GALT: variants seen among roughly 807,000 people sequenced by gnomAD.
The protein encoded by GALT is UDP-glucose--hexose-1-phosphate uridylyltransferase.
GALT carries 42 observed loss-of-function variants against 55.4 expected under a neutral mutation model. The observed-to-expected ratio is 0.76, with a 90% CI of 0.59 to 0.98. The LOEUF (loss-of-function observed/expected upper bound fraction) is 0.98, where lower values mean the gene tolerates loss of function less well. Among genes scored for constraint, GALT ranks in the 50% least tolerant of loss-of-function variants. GALT has a pLI of 0.00. For synonymous variants in GALT, 154 were observed against 181.5 expected (o/e 0.85, Z 1.22); for missense variants, 407 against 495.7 (o/e 0.82, Z 1.70).
rs1564102193 is a variant in GALT at position 34,649,394 on chromosome 9, C to G, written c.905-16C>G. ...AAAGGGCTCTCTCTCCCCACTGTCT[C>G]TCTTCTTTCTGTCAGGGGCTCCCAC... is the stretch of plus-strand genomic sequence containing the variant. On this transcript the variant is annotated splice_polypyrimidine_tract_variant and intron_variant, in intron 9 of 10. Transcript: ENST00000378842. 6.2e-7 allele frequency: 1 copy of G among 1,614,114 alleles called. No individual in the cohort carries two copies. The highest frequency in any genetic ancestry group is 8.5e-7 in the Non-Finnish European group (1 of 1,180,044).
rs1821119041 is a variant in GALT at position 34,647,015 on chromosome 9, C to A, written c.83-74C>A. ...CCGAGAGGGCGCTCCCGAGCTTGGG[C>A]CTGCTGGTGGGTGAGACCCAGGAGA... On this transcript the variant is annotated intron_variant, in intron 1 of 10. Coordinates refer to ENST00000378842, the MANE Select transcript of GALT (RefSeq NM_000155.4). The surrounding 1 kb of genome is among the most constrained non-coding windows in gnomAD (Gnocchi z 5.6). The A allele has an allele frequency of 1.2e-6, 2 of 1,610,140 alleles. No individual in the cohort carries two copies. The highest frequency in any genetic ancestry group is 1.7e-6 in the Non-Finnish European group (2 of 1,177,604).
Position 34,648,114 on chromosome 9 carries a change from G to A in GALT, c.508-1G>A. The A allele has an allele frequency of 1.2e-6, 2 of 1,614,188 alleles. No individual in the cohort carries two copies. The highest frequency in any genetic ancestry group is 1.1e-5 in the South Asian group (1 of 91,082). On this transcript the variant is annotated splice_acceptor_variant, in intron 5 of 10. Coordinates refer to ENST00000378842, the MANE Select transcript of GALT (RefSeq NM_000155.4). LOFTEE classifies it high-confidence loss of function. This position sits in a 1 kb window ranked among gnomAD's most constrained non-coding sequence, Gnocchi z 4.9. ...CAGAGCTCCGTATCCCTATCTGATA[G>A]ATCTTTGAAAACAAAGGTGCCATGA...
In GALT at chr9:34,649,041, C is replaced by T. The variant is rs372134800; in HGVS notation, c.864C>T (p.Asn288=). The T allele has an allele frequency of 2.6e-5, 42 of 1,613,992 alleles. No individual in the cohort carries two copies. Among genetic ancestry groups the T allele is most frequent in the African/African-American group, 2.4e-4 (18 of 74,896 alleles). ...AGAAGCTCTTGACCAAGTATGACAA[C>T]CTCTTTGAGACGTCCTTTCCCTACT... ...IMKKLLTKYD[N]LFETSFPYSM... is the part of the protein sequence containing the mutation. The change falls in exon 9 of 11, where the codon AAC becomes AAT. Residue 288 remains asparagine, a synonymous_variant. Transcript: ENST00000378842.
In GALT at chr9:34,648,555, G is replaced by T. The variant is rs762361648; in HGVS notation, c.687+99G>T. The T allele has an allele frequency of 5.0e-6, 8 of 1,587,940 alleles. No individual in the cohort carries two copies. The South Asian group carries it at 8.9e-5, about 18-fold the overall frequency. On this transcript the variant is annotated intron_variant, in intron 7 of 10. Transcript: ENST00000378842. This position sits in a 1 kb window ranked among gnomAD's most constrained non-coding sequence, Gnocchi z 4.9. The stretch of plus-strand genomic sequence containing the variant: ...AGAAAGCTAGAGGTGAACTAGTAGA[G>T]AGAGACTTGCTAGGAGGCCTTAGCA...
chr9:34,646,820 C>T (rs1436391958), intron 1 of GALT, 34 bp downstream of exon 1: 2 of 1,612,844 alleles, frequency 1.2e-6, no homozygotes, highest in South Asian at 1.1e-5. Context: ...CGCTGGGGCG[C>T]GGAGCCGAGC....
chr9:34,648,594 C>T lies in GALT; in HGVS notation c.687+138C>T. On this transcript the variant is annotated intron_variant, in intron 7 of 10. Transcript: ENST00000378842. The surrounding 1 kb of genome is among the most constrained non-coding windows in gnomAD (Gnocchi z 4.9). Reference sequence around the variant, plus strand: ...GAGGCCTTAGCAATAATCCAGTAATCTAAAGGAAAGATGATGGTGACTTAG... The same window carrying T: ...GAGGCCTTAGCAATAATCCAGTAATTTAAAGGAAAGATGATGGTGACTTAG... 5.3e-6 allele frequency: 8 copies of T among 1,517,416 alleles called. No homozygotes were observed. The highest frequency in any genetic ancestry group is 1.4e-5 in the African/African-American group (1 of 73,042). 94.0% of individuals were successfully genotyped at this position (1,517,416 alleles called of 1,614,324 possible). A position where few individuals can be genotyped will look rare whatever the true frequency, so the allele number is the denominator to read the frequency against.
rs756537066 is a variant in GALT, at chr9:34,649,418, A to G, written c.913A>G (p.Thr305Ala). ...PYSMGWHGAPTGSEAGANWNH... is the reference protein window; with the variant it reads ...PYSMGWHGAPAGSEAGANWNH... ...TCTCTTCTTTCTGTCAGGGGCTCCC[A>G]CAGGATCAGAGGCTGGGGCCAACTG... Residue 305 changes from threonine to alanine, a missense_variant, in exon 10 of 11, where the codon ACA becomes GCA. Thr to Ala is a moderately conservative substitution (Grantham distance 58). Coordinates refer to ENST00000378842, the MANE Select transcript of GALT (RefSeq NM_000155.4). 2.0e-5 allele frequency: 32 copies of G among 1,614,028 alleles called. No homozygotes were observed. The highest frequency in any genetic ancestry group is 4.0e-5 in the African/African-American group (3 of 74,926).
In GALT at chr9:34,647,066, T is replaced by C. The variant is rs373975891; in HGVS notation, c.83-23T>C. On this transcript the variant is annotated intron_variant, in intron 1 of 10. Transcript: ENST00000378842. This position sits in a 1 kb window ranked among gnomAD's most constrained non-coding sequence, Gnocchi z 5.6. Reference sequence around the variant, plus strand: ...GAGGGAGCTAGAGAGCTCTGAGGACTGATCTTGACTGTCTGCCCCCAGACC... The same window carrying C: ...GAGGGAGCTAGAGAGCTCTGAGGACCGATCTTGACTGTCTGCCCCCAGACC... 1.9e-6 allele frequency: 3 copies of C among 1,613,948 alleles called. No individual in the cohort carries two copies. In the African/African-American group the frequency reaches 4.0e-5, roughly 22 times the overall value.
chr9:34,646,923 C>G, intron 1 of GALT, 137 bp downstream of exon 1: 2 of 1,605,376 alleles, frequency 1.2e-6, no homozygotes, highest in Non-Finnish European at 1.7e-6. Flanking sequence ...CAGGCCTGTA[C>G]GAGCAGCAGG....
rs1460677261 is a variant in GALT, at chr9:34,647,808, A to G, written c.378-24A>G. ...CACAGCCAAGCCCTACCTCTCGGTT[A>G]TCTTTTCTCCCGTCACCACCCAGTA... On this transcript the variant is annotated intron_variant, in intron 4 of 10. Transcript: ENST00000378842. This position sits in a 1 kb window ranked among gnomAD's most constrained non-coding sequence, Gnocchi z 5.6. 3.1e-6 allele frequency: 5 copies of G among 1,614,060 alleles called. No individual in the cohort carries two copies. The highest frequency in any genetic ancestry group is 4.2e-6 in the Non-Finnish European group (5 of 1,180,050).
At chr9:34,650,231 C>T in intron 10 of GALT, 138 bp from the exon 11 acceptor site, 1 of 655,600 alleles carries the variant, frequency 1.5e-6, no homozygotes, top group Non-Finnish European at 2.7e-6. Flanking sequence ...AGTGAGCCAT[C>T]ATCATGGCAT....
At position 34,648,303 on chromosome 9, in the gene GALT, C is replaced by T; in HGVS notation, c.565-31C>T. On this transcript the variant is annotated intron_variant, in intron 6 of 10. Transcript: ENST00000378842. This position sits in a 1 kb window ranked among gnomAD's most constrained non-coding sequence, Gnocchi z 4.9. The stretch of plus-strand genomic sequence containing the variant: ...TGGAGGCTTGGAGGTAAAGGACCTG[C>T]CTGTTCTTCTCTGCTTTTGCCCCTT... The T allele has an allele frequency of 6.2e-7, 1 of 1,614,006 alleles. No individual in the cohort carries two copies. The highest frequency in any genetic ancestry group is 8.5e-7 in the Non-Finnish European group (1 of 1,180,028).
rs781374930 is a variant in GALT, at chr9:34,650,437, A to T, written c.1128A>T (p.Ala376=). The T allele has an allele frequency of 5.3e-5, 85 of 1,614,034 alleles. No homozygotes were observed. Among genetic ancestry groups the T allele is most frequent in the Non-Finnish European group, 1.4e-5 (17 of 1,180,026 alleles). ...TGGGGCAGAAGGACAGGGAGACAGC[A>T]ACCATCGCCTGACCACGCCGACCAC... is the stretch of plus-strand genomic sequence containing the variant. ...YHLGQKDRET[A]TIA Residue 376 remains alanine, a synonymous_variant, in exon 11 of 11, where the codon GCA becomes GCT. Coordinates refer to ENST00000378842, the MANE Select transcript of GALT (RefSeq NM_000155.4).
chr9:34,648,754 C>T lies in GALT; in HGVS notation c.688-8C>T. Reference sequence around the variant, plus strand: ...CTTGATGACTTCCTATCCATTCTGTCTTCCTAGGAACGTCTGGTCCTAACC... The same window carrying T: ...CTTGATGACTTCCTATCCATTCTGTTTTCCTAGGAACGTCTGGTCCTAACC... On this transcript the variant is annotated splice_region_variant and splice_polypyrimidine_tract_variant and intron_variant, in intron 7 of 10. Coordinates refer to ENST00000378842, the MANE Select transcript of GALT (RefSeq NM_000155.4). This position sits in a 1 kb window ranked among gnomAD's most constrained non-coding sequence, Gnocchi z 4.9. 6.2e-7 allele frequency: 1 copy of T among 1,613,012 alleles called. No homozygotes were observed. The highest frequency in any genetic ancestry group is 8.5e-7 in the Non-Finnish European group (1 of 1,180,002).
rs569393869 is a variant in GALT, at chr9:34,648,326, C to G, written c.565-8C>G. The G allele has an allele frequency of 6.2e-7, 1 of 1,614,048 alleles. No homozygotes were observed. Among genetic ancestry groups the G allele is most frequent in the African/African-American group, 1.3e-5 (1 of 74,916 alleles). The stretch of plus-strand genomic sequence containing the variant: ...TGCCTGTTCTTCTCTGCTTTTGCCC[C>G]TTGACAGGTATGGGCCAGCAGTTTC... On this transcript the variant is annotated splice_polypyrimidine_tract_variant and splice_region_variant and intron_variant, in intron 6 of 10. Transcript: ENST00000378842. The surrounding 1 kb of genome is among the most constrained non-coding windows in gnomAD (Gnocchi z 4.9).
In GALT at chr9:34,647,805, GT is replaced by G. The variant is rs1821144546; in HGVS notation, c.378-25del. On this transcript the variant is annotated intron_variant, in intron 4 of 10. Transcript: ENST00000378842. The surrounding 1 kb of genome is among the most constrained non-coding windows in gnomAD (Gnocchi z 5.6). ...TAGCACAGCCAAGCCCTACCTCTCG[GT>G]TATCTTTTCTCCCGTCACCACCCAG... 13 of 1,614,144 alleles carry G rather than the reference GT, an allele frequency of 8.1e-6. No homozygotes were observed. Among genetic ancestry groups the G allele is most frequent in the Non-Finnish European group, 7.6e-6 (9 of 1,180,030 alleles).
chr9:34,650,905 G>C lies in GALT; in HGVS notation c.*456G>C, dbSNP rs545549284. The C allele has an allele frequency of 5.8e-6, 1 of 173,324 alleles. No homozygotes were observed. The highest frequency in any genetic ancestry group is 2.4e-5 in the African/African-American group (1 of 41,732). 10.7% of individuals were successfully genotyped at this position (173,324 alleles called of 1,614,324 possible). A position where few individuals can be genotyped will look rare whatever the true frequency, so the allele number is the denominator to read the frequency against. The stretch of plus-strand genomic sequence containing the variant: ...GTCAGCTCCAAGCCTGGGCCTGAGG[G>C]TTTGATGGGGAGCGGGTGAGCTGGA... On this transcript the variant is annotated 3_prime_UTR_variant, in exon 11 of 11. Coordinates refer to ENST00000378842, the MANE Select transcript of GALT (RefSeq NM_000155.4).
chr9:34,647,622 C>A lies in GALT; in HGVS notation c.329-35C>A. 1 of 1,614,096 alleles carries A rather than the reference C, an allele frequency of 6.2e-7. No homozygotes were observed. Among genetic ancestry groups the A allele is most frequent in the Non-Finnish European group, 8.5e-7 (1 of 1,179,956 alleles). ...GAGGGTGGCTAGACCTCTTGAGGGA[C>A]TTCTGCTGCAGAGAGTGATACTCCT... is the stretch of plus-strand genomic sequence containing the variant. On this transcript the variant is annotated intron_variant, in intron 3 of 10. Transcript: ENST00000378842. This position sits in a 1 kb window ranked among gnomAD's most constrained non-coding sequence, Gnocchi z 5.6.
Position 34,647,055 on chromosome 9 carries a change from G to A in GALT, c.83-34G>A. ...GACCCAGGAGAGAGGGAGCTAGAGA[G>A]CTCTGAGGACTGATCTTGACTGTCT... On this transcript the variant is annotated intron_variant, in intron 1 of 10. Transcript: ENST00000378842. The surrounding 1 kb of genome is among the most constrained non-coding windows in gnomAD (Gnocchi z 5.6). The A allele has an allele frequency of 1.9e-6, 3 of 1,614,024 alleles. No homozygotes were observed. The highest frequency in any genetic ancestry group is 2.5e-6 in the Non-Finnish European group (3 of 1,180,016).
Sources: gnomAD v4.1 joint callset for allele counts on GRCh38, gnomAD v4.1.1 for gene constraint, Gnocchi (gnomAD v3.1) non-coding constraint, MANE v1.5 for transcripts, NCBI Gene and HGNC (gene_info 2026-07-23, HGNC 2026-07-21) for gene names.